The following DNAH17 variants were observed in gnomAD, a reference collection of about 807,000 sequenced individuals.
The protein encoded by DNAH17 is axonemal beta dynein heavy chain 17.
DNAH17 carries 376 observed loss-of-function variants against 485.6 expected under a neutral mutation model. That is an observed-to-expected ratio of 0.77 (90% CI 0.71 to 0.84). DNAH17 has a LOEUF of 0.84. Among genes scored for constraint, DNAH17 ranks in the 40% least tolerant of loss-of-function variants. DNAH17 has a pLI of 0.00. For synonymous variants in DNAH17, 3,031 were observed against 2,405.9 expected (o/e 1.26, Z -7.60); for missense variants, 6,370 against 5,839.3 (o/e 1.09, Z -2.96).
chr17:78,441,155 C>CG lies in DNAH17; in HGVS notation c.11572dup (p.Arg3858ProfsTer4), dbSNP rs1568054776. On this transcript the variant is annotated frameshift_variant, in exon 72 of 81. Transcript: ENST00000389840. LOFTEE classifies it high-confidence loss of function. ...GTAGGACTTAGAAAACTCAACACTCCGGCCTTCCACGAACTTGCTGCCCAT... is the reference window on the plus strand; with the variant it reads ...GTAGGACTTAGAAAACTCAACACTCCGGGCCTTCCACGAACTTGCTGCCCAT... The CG allele has an allele frequency of 6.8e-6, 11 of 1,613,910 alleles. No homozygotes were observed. Among genetic ancestry groups the CG allele is most frequent in the Non-Finnish European group, 9.3e-6 (11 of 1,179,894 alleles).
At chr17:78,427,690 G>A (rs1232562543) in intron 77 of DNAH17, among the ~76,000 whole-genome samples, 1 of 152,206 alleles carries the variant, frequency 6.6e-6, no homozygotes, top group Non-Finnish European at 1.5e-5. Flanking sequence ...AAGAAGTACA[G>A]GCCAGGTACA....
chr17:78,501,421 C>A, intron 34 of DNAH17, 77 bp from the exon 35 acceptor site: 1 of 1,498,308 alleles, frequency 6.7e-7, no homozygotes, highest in Non-Finnish European at 8.9e-7. Context: ...CAGCATGCCT[C>A]CAAGGCCGGT....
Position 78,463,015 on chromosome 17 carries a change from C to A in DNAH17, c.9003G>T (p.Met3001Ile). Residue 3001 changes from methionine (M) to isoleucine (I), a missense_variant, in exon 57 of 81, where the codon ATG becomes ATT. By Grantham distance (10) the Met-to-Ile change is conservative. Coordinates refer to ENST00000389840, the MANE Select transcript of DNAH17 (RefSeq NM_173628.4). ...MSYVHTTVNE[M>I]SRVYLATERR... Reference sequence around the variant, plus strand: ...TCTCAGTAGCCAGGTATACCCTGGACATCTCGTTGACGGTGGTGTGCACGT... The same window carrying A: ...TCTCAGTAGCCAGGTATACCCTGGAAATCTCGTTGACGGTGGTGTGCACGT... 1 of 1,613,988 alleles carries A rather than the reference C, an allele frequency of 6.2e-7. No individual in the cohort carries two copies. The highest frequency in any genetic ancestry group is 1.1e-5 in the South Asian group (1 of 91,082).
chr17:78,459,986 G>A lies in DNAH17; in HGVS notation c.9451C>T (p.Leu3151=), dbSNP rs1568083655. 6.2e-7 allele frequency: 1 copy of A among 1,612,852 alleles called. No individual in the cohort carries two copies. The highest frequency in any genetic ancestry group is 8.5e-7 in the Non-Finnish European group (1 of 1,179,884). The change falls in exon 60 of 81, where the codon CTG becomes TTG. Residue 3151 remains leucine, a synonymous_variant. Transcript: ENST00000389840. ...TCCGGCGGGGACCCAAAGGACTTCA[G>A]CTCTGTCAGGTTGTTCTGCAAATGA... ...DTLNKNNLTE[L]KSFGSPPDAV...
chr17:78,426,450 C>CACTT lies in DNAH17; in HGVS notation c.12915+3_12915+6dup. 1 of 1,590,906 alleles carries CACTT rather than the reference C, an allele frequency of 6.3e-7. No homozygotes were observed. The highest frequency in any genetic ancestry group is 1.3e-5 in the African/African-American group (1 of 74,174). On this transcript the variant is annotated splice_region_variant and intron_variant, in intron 79 of 80. Coordinates refer to ENST00000389840, the MANE Select transcript of DNAH17 (RefSeq NM_173628.4). ...TTAGGAAGCCTCTCAGAGAAAACGG[C>CACTT]ACTTACCCTGATGCGGAGCAGCAGG... is the stretch of plus-strand genomic sequence containing the variant.
chr17:78,543,225 C>T (rs959734008), intron 17 of DNAH17, among the ~76,000 whole-genome samples: 3 of 152,246 alleles, frequency 2.0e-5, no homozygotes, highest in Admixed American at 2.0e-4. Flanking sequence ...AGCGATTCTC[C>T]TGCCTCAGCC....
At chr17:78,509,810 G>C (rs956576351) in intron 27 of DNAH17, among the ~76,000 whole-genome samples, 4 of 152,214 alleles carry the variant, frequency 2.6e-5, no homozygotes, top group African/African-American at 9.6e-5. Flanking sequence ...GCGAGTTCTG[G>C]TTATTTACAA....
chr17:78,554,444 A>C (rs2091976029), intron 14 of DNAH17, among the ~76,000 whole-genome samples: 4 of 62,644 alleles, frequency 6.4e-5, no homozygotes, highest in African/African-American at 2.9e-4. Context: ...CTCAAAAAAA[A>C]AAAAAAAAAA....
intron 68 of DNAH17, chr17:78,449,890 G>T: frequency 2.3e-6 from 1 of 428,472 alleles, no homozygotes; most frequent in Admixed American, 3.6e-5. Flanking sequence ...TGGTCAGGCT[G>T]GTCTTGAACT....
intron 61 of DNAH17, 49 bp from the exon 62 acceptor site, chr17:78,458,729 T>C: frequency 1.3e-6 from 2 of 1,511,054 alleles, no homozygotes; most frequent in South Asian, 1.1e-5. Context: ...GAGGCATCTC[T>C]AGCCCCCTGC....
intron 16 of DNAH17, among the ~76,000 whole-genome samples, chr17:78,550,447 G>A (rs1246861703): frequency 3.4e-4 from 3 of 8,800 alleles, no homozygotes; most frequent in African/African-American, 1.4e-3. Context: ...AATGGCATTT[G>A]GAGATGAGAG....
In DNAH17 at chr17:78,510,630, G is replaced by A; in HGVS notation, c.4114-124C>T. On this transcript the variant is annotated intron_variant, in intron 26 of 80. Coordinates refer to ENST00000389840, the MANE Select transcript of DNAH17 (RefSeq NM_173628.4). ...GATCCCGGGCTGCTGGAGGGAGGGA[G>A]GCGAGCTCTGCTCTGCCATTTTCAG... 2.3e-6 allele frequency: 3 copies of A among 1,320,202 alleles called. No individual in the cohort carries two copies. The South Asian group carries it at 3.9e-5, about 17-fold the overall frequency. The allele number at this position is 1,320,202 out of a possible 1,614,324, so 81.8% of individuals were successfully genotyped here.
intron 77 of DNAH17, 80 bp downstream of exon 77, chr17:78,428,445 G>T: frequency 1.3e-6 from 2 of 1,507,880 alleles, no homozygotes; most frequent in Non-Finnish European, 1.8e-6. Flanking sequence ...CCCCTGTACT[G>T]CCGCCAGTCC....
At chr17:78,543,052 G>A (rs1316868421) in intron 17 of DNAH17, among the ~76,000 whole-genome samples, 1 of 152,240 alleles carries the variant, frequency 6.6e-6, no homozygotes, top group Non-Finnish European at 1.5e-5. Context: ...ACCAGGCTTG[G>A]AAGTGTACAG....
In DNAH17 at chr17:78,425,452, C is replaced by T; in HGVS notation, c.13035G>A (p.Trp4345Ter). 5 of 1,614,022 alleles carry T rather than the reference C, an allele frequency of 3.1e-6. No individual in the cohort carries two copies. In the East Asian group the frequency reaches 1.1e-4, roughly 36 times the overall value. ...IMQSMARKNEWPLDKMCLSVE... is the reference protein window; with the variant it reads ...IMQSMARKNE ...CAGACAGACACATCTTGTCCAGGGG[C>T]CACTCGTTCTTCCTGGCCATGGACT... Residue 4345 changes from tryptophan to a stop codon, truncating the protein, a stop_gained, in exon 80 of 81, where the codon TGG becomes TGA. Coordinates refer to ENST00000389840, the MANE Select transcript of DNAH17 (RefSeq NM_173628.4). LOFTEE classifies it high-confidence loss of function.
At chr17:78,446,381 C>A (rs1328814934) in intron 69 of DNAH17, among the ~76,000 whole-genome samples, 2 of 151,940 alleles carry the variant, frequency 1.3e-5, no homozygotes, top group Non-Finnish European at 2.9e-5. Flanking sequence ...CCTAGGGATG[C>A]CCCTGTTGTG....
intron 17 of DNAH17, among the ~76,000 whole-genome samples, chr17:78,542,542 G>A (rs747469639): frequency 5.9e-5 from 9 of 152,270 alleles, no homozygotes; most frequent in East Asian, 1.9e-4. Context: ...AATGCAAGCT[G>A]GGTGAAATTA....
Position 78,468,760 on chromosome 17 carries a change from C to A in DNAH17, c.8635G>T (p.Gly2879Ter). Residue 2879 changes from glycine (G) to a stop codon, truncating the protein, a stop_gained, in exon 55 of 81, where the codon GGA becomes TGA. Coordinates refer to ENST00000389840, the MANE Select transcript of DNAH17 (RefSeq NM_173628.4). LOFTEE classifies it high-confidence loss of function. ...TCCATAAACAGCCCAGGGATCTCTC[C>A]TGAGGCCAGCAGGTCATTGATCAGC... ...LVLINDLLAS[G>*]EIPGLFMEDE... 6.2e-7 allele frequency: 1 copy of A among 1,614,052 alleles called. No individual in the cohort carries two copies. The highest frequency in any genetic ancestry group is 8.5e-7 in the Non-Finnish European group (1 of 1,179,904).
At chr17:78,531,748 G>A (rs760570850) in intron 20 of DNAH17, among the ~76,000 whole-genome samples, 6 of 152,186 alleles carry the variant, frequency 3.9e-5, no homozygotes, top group Admixed American at 2.6e-4. Context: ...TGTCTTTACA[G>A]GTGAAGTGAG....
Sources: allele counts gnomAD v4.1 joint callset (sites outside exome capture counted in the v4.1 genomes callset), GRCh38; gene constraint gnomAD v4.1.1; transcripts MANE v1.5; gene names NCBI Gene and HGNC (gene_info 2026-07-23, HGNC 2026-07-21).